RAD52: variants seen among roughly 807,000 people sequenced by gnomAD.
RAD52 encodes DNA repair protein RAD52 homolog.
In RAD52, 47 loss-of-function variants were observed where a neutral mutation model predicts 55.5. The ratio of observed to expected loss-of-function variants is 0.85; its 90% CI spans 0.67 to 1.08. The LOEUF is 1.08. Among genes scored for constraint, RAD52 ranks in the 50% least tolerant of loss-of-function variants. RAD52 has a pLI of 0.00. For missense variants in RAD52, 468 were observed against 522.8 expected (o/e 0.90, Z 1.02); for synonymous variants, 184 against 198.9 (o/e 0.92, Z 0.63).
At chr12:942,739 C>A (rs1173555815) in intron 1 of RAD52, among the ~76,000 whole-genome samples, 3 of 150,024 alleles carry the variant, frequency 2.0e-5, no homozygotes, top group Admixed American at 6.6e-5. Flanking sequence ...CAGAGCAAGA[C>A]TCTGTCTCAA....
chr12:957,466 CAAAAAAAAAAAAAAA>C lies in RAD52; in HGVS notation c.-18-24405_-18-24391del, dbSNP rs71055109. On this transcript the variant is annotated intron_variant, in intron 1 of 11. Transcript: ENST00000430095. Reference sequence around the variant, plus strand: ...AGGCAACAAGAGTAAAACTTCGTCTCAAAAAAAAAAAAAAAAAAAAAAAAGAATTGTCATTTTGTA... The same window carrying C: ...AGGCAACAAGAGTAAAACTTCGTCTCAAAAAAAAAGAATTGTCATTTTGTA... Among the ~76,000 whole-genome samples the C allele has an allele frequency of 9.1e-5, 4 of 44,056 alleles. 1 individual carries two copies. The highest frequency in any genetic ancestry group is 1.6e-4 in the Non-Finnish European group (4 of 24,630). 28.9% of individuals were successfully genotyped at this position (44,056 alleles called of 152,430 possible).
chr12:914,173 C>T (rs779707381), intron 10 of RAD52, 52 bp from the exon 11 acceptor site: 2 of 1,531,598 alleles, frequency 1.3e-6, no homozygotes, highest in South Asian at 2.3e-5. Context: ...AGTATTCTCA[C>T]AGAAAGCACT....
intron 6 of RAD52, among the ~76,000 whole-genome samples, chr12:926,081 G>A (rs570589777): frequency 5.9e-5 from 9 of 152,210 alleles, no homozygotes; most frequent in South Asian, 2.1e-4. Flanking sequence ...CTCCAATGCC[G>A]GGGGGTGCGG....
At chr12:937,462 C>T (rs554889665) in intron 1 of RAD52, among the ~76,000 whole-genome samples, 1 of 151,804 alleles carries the variant, frequency 6.6e-6, no homozygotes, top group South Asian at 2.1e-4. Context: ...CTCGCTCTGT[C>T]ACCCAGGCTG....
At chr12:977,311 C>T (rs951328958) in intron 1 of RAD52, among the ~76,000 whole-genome samples, 6 of 152,208 alleles carry the variant, frequency 3.9e-5, no homozygotes, top group African/African-American at 1.4e-4. Flanking sequence ...GCACATGTGC[C>T]ATACTGAAGT....
Position 916,455 on chromosome 12 carries a change from CGCTCTCCACG to C in RAD52, c.744_753del (p.Val249ArgfsTer45). 6.2e-7 allele frequency: 1 copy of C among 1,607,412 alleles called. No individual in the cohort carries two copies. Among genetic ancestry groups the C allele is most frequent in the Non-Finnish European group, 8.5e-7 (1 of 1,179,354 alleles). Reference sequence around the variant, plus strand: ...CGGAGCTTCCGCTGGTGCGTGGCCTCGCTCTCCACGGCGGATGAGCTCAGGCTTCTGCATG... The same window carrying C: ...CGGAGCTTCCGCTGGTGCGTGGCCTCGCGGATGAGCTCAGGCTTCTGCATG... On this transcript the variant is annotated frameshift_variant, in exon 9 of 12. Transcript: ENST00000358495. LOFTEE classifies it high-confidence loss of function.
chr12:971,874 G>A (rs913069308), intron 1 of RAD52, among the ~76,000 whole-genome samples: 2 of 151,912 alleles, frequency 1.3e-5, no homozygotes, highest in African/African-American at 2.4e-5. Context: ...TCAGCCTCCC[G>A]AGTAGCTGGG....
chr12:920,751 G>A (rs1956682733), intron 7 of RAD52, among the ~76,000 whole-genome samples: 2 of 152,116 alleles, frequency 1.3e-5, no homozygotes, highest in African/African-American at 4.8e-5. Context: ...CCAAACAAAA[G>A]ATGAATAAGG....
At position 912,077 on chromosome 12, in the gene RAD52, G is replaced by GAAAC; in HGVS notation, c.*1310_*1313dup. ...TTCATTATTTTGGGGGAAGAATTAT[G>GAAAC]AAACATCTGAGCACTATGAAAAGCC... On this transcript the variant is annotated 3_prime_UTR_variant, in exon 12 of 12. Coordinates refer to ENST00000358495, the MANE Select transcript of RAD52 (RefSeq NM_134424.4). 1 of 200,070 alleles carries GAAAC rather than the reference G, an allele frequency of 5.0e-6. No homozygotes were observed. Among genetic ancestry groups the GAAAC allele is most frequent in the East Asian group, 7.7e-5 (1 of 12,968 alleles). The allele number at this position is 200,070 out of a possible 1,614,324, so 12.4% of individuals were successfully genotyped here.
chr12:927,122 TAGAC>T lies in RAD52; in HGVS notation c.467+19_467+22del. The T allele has an allele frequency of 6.2e-7, 1 of 1,600,140 alleles. No individual in the cohort carries two copies. On this transcript the variant is annotated intron_variant, in intron 6 of 11. Coordinates refer to ENST00000358495, the MANE Select transcript of RAD52 (RefSeq NM_134424.4). ...AAGCAAGAGCTGAAATGACGCAGGT[TAGAC>T]TCCCAGCCCCGCGCTCACCTGAGGG... is the stretch of plus-strand genomic sequence containing the variant.
chr12:923,601 G>A (rs1454307779), intron 7 of RAD52, among the ~76,000 whole-genome samples: 1 of 151,200 alleles, frequency 6.6e-6, no homozygotes, highest in African/African-American at 2.4e-5. Flanking sequence ...AAAGAAAGTG[G>A]AAGTAGTTAC....
At chr12:939,273 C>A (rs1443735248) in intron 1 of RAD52, among the ~76,000 whole-genome samples, 2 of 152,028 alleles carry the variant, frequency 1.3e-5, no homozygotes, top group Non-Finnish European at 2.9e-5. Context: ...ACCTCAGCCT[C>A]CTAAGTAGCT....
intron 1 of RAD52, among the ~76,000 whole-genome samples, chr12:978,695 C>A (rs562611275): frequency 6.6e-6 from 1 of 151,882 alleles, no homozygotes; most frequent in African/African-American, 2.4e-5. Context: ...CCCAGCTACT[C>A]GGGAGGCTGA....
chr12:965,612 C>A (rs1253812725), intron 1 of RAD52, among the ~76,000 whole-genome samples: 1 of 151,978 alleles, frequency 6.6e-6, no homozygotes, highest in African/African-American at 2.4e-5. Flanking sequence ...CTTATATTTA[C>A]ATTTGAACAG....
At chr12:925,337 C>T in intron 7 of RAD52, 113 bp downstream of exon 7, 1 of 856,886 alleles carries the variant, frequency 1.2e-6, no homozygotes, top group South Asian at 1.4e-5. Flanking sequence ...CATTCCCGAC[C>T]CTCTAAAGAG....
At chr12:929,962 A>C (rs1565668454) in intron 4 of RAD52, 76 bp from the exon 5 acceptor site, 1 of 1,566,038 alleles carries the variant, frequency 6.4e-7, no homozygotes, top group African/African-American at 1.4e-5. Context: ...CTGGCAGCTG[A>C]GTCCACCTAC....
At chr12:970,687 A>G (rs1169795239) in intron 1 of RAD52, among the ~76,000 whole-genome samples, 1 of 152,158 alleles carries the variant, frequency 6.6e-6, no homozygotes, top group Non-Finnish European at 1.5e-5. Context: ...GGCATTTGGG[A>G]GGAGGTGGTT....
chr12:984,530 C>T (rs1237535554), intron 1 of RAD52, among the ~76,000 whole-genome samples: 2 of 151,732 alleles, frequency 1.3e-5, no homozygotes, highest in African/African-American at 4.8e-5. Flanking sequence ...ACTTTAGGTA[C>T]CTCATATGAA....
Position 925,544 on chromosome 12 carries a change from A to G in RAD52, c.468-19T>C. The stretch of plus-strand genomic sequence containing the variant: ...AAAACTCCTAAGGGCAAGAGAAAAA[A>G]AGGTGAAACAGGGTTAAGAATTGTT... On this transcript the variant is annotated intron_variant, in intron 6 of 11. Transcript: ENST00000358495. The G allele has an allele frequency of 6.3e-7, 1 of 1,579,330 alleles. No individual in the cohort carries two copies.
Sources: gnomAD v4.1 joint callset for allele counts (sites outside exome capture counted in the v4.1 genomes callset) on GRCh38, gnomAD v4.1.1 for gene constraint, MANE v1.5 for transcripts, NCBI Gene and HGNC (gene_info 2026-07-23, HGNC 2026-07-21) for gene names.